SNX9: variants seen among roughly 807,000 people sequenced by gnomAD.
SNX9 encodes the protein sorting nexin-9.
Under a neutral mutation model 89.4 loss-of-function variants are expected in SNX9, and 44 were observed. The ratio of observed to expected loss-of-function variants is 0.49; its 90% CI spans 0.39 to 0.63. The LOEUF is 0.63. Ranked by LOEUF, SNX9 falls within the 30% of genes least tolerant of loss-of-function variation. SNX9 has a pLI of 0.00. For missense variants in SNX9, 578 were observed against 736.1 expected (o/e 0.79, Z 2.49); for synonymous variants, 236 against 247.8 (o/e 0.95, Z 0.45).
chr6:157,826,781 TTATATTA>T (rs1444971003), intron 1 of SNX9, among the ~76,000 whole-genome samples: 4 of 81,494 alleles, frequency 4.9e-5, no homozygotes, highest in Non-Finnish European at 1.0e-4. Context: ...TATAAATATA[TTATATTA>T]TATATATATA....
rs1322294522 is a variant in SNX9, at chr6:157,868,144, T to G, written c.99+511T>G. Reference sequence around the variant, plus strand: ...ATTAGGTTGCCAGAAAGCAATATACTTAGACCAGCTCCAGTGGAGTTAGCT... The same window carrying G: ...ATTAGGTTGCCAGAAAGCAATATACGTAGACCAGCTCCAGTGGAGTTAGCT... On this transcript the variant is annotated intron_variant, in intron 2 of 17. Coordinates refer to ENST00000392185, the MANE Select transcript of SNX9 (RefSeq NM_016224.5). Among the ~76,000 whole-genome samples the G allele has an allele frequency of 2.0e-5, 3 of 152,238 alleles. No homozygotes were observed. The East Asian group carries it at 5.8e-4, about 29-fold the overall frequency.
rs1214019340 is a variant in SNX9, at chr6:157,912,956, G to A, written c.949+2931G>A. Among the ~76,000 whole-genome samples the A allele has an allele frequency of 2.6e-5, 4 of 152,258 alleles. No homozygotes were observed. In the East Asian group the frequency reaches 7.7e-4, roughly 29 times the overall value. On this transcript the variant is annotated intron_variant, in intron 9 of 17. Coordinates refer to ENST00000392185, the MANE Select transcript of SNX9 (RefSeq NM_016224.5). Reference sequence around the variant, plus strand: ...TAACATCTGAAGTCATAAGCTTAGAGATAAACCAGCTATGTCAGAAAAATT... The same window carrying A: ...TAACATCTGAAGTCATAAGCTTAGAAATAAACCAGCTATGTCAGAAAAATT...
Position 157,936,041 on chromosome 6 carries a change from G to T in SNX9, c.1443+1G>T. The T allele has an allele frequency of 6.2e-7, 1 of 1,607,796 alleles. No homozygotes were observed. The highest frequency in any genetic ancestry group is 8.5e-7 in the Non-Finnish European group (1 of 1,176,528). ...AATTGCCAGTCTCGTGGCAGAACAG[G>T]TACTAACATAATCACACAATTCCAA... On this transcript the variant is annotated splice_donor_variant, in intron 14 of 17. Coordinates refer to ENST00000392185, the MANE Select transcript of SNX9 (RefSeq NM_016224.5). LOFTEE classifies it high-confidence loss of function.
chr6:157,839,016 T>A (rs1011981000), intron 1 of SNX9, among the ~76,000 whole-genome samples: 2 of 152,232 alleles, frequency 1.3e-5, no homozygotes, highest in African/African-American at 4.8e-5. Flanking sequence ...TGGTTTGCAA[T>A]ACCCAGAGCT....
At chr6:157,919,622 A>AT (rs1783542930) in intron 9 of SNX9, among the ~76,000 whole-genome samples, 1 of 151,056 alleles carries the variant, frequency 6.6e-6, no homozygotes, top group African/African-American at 2.4e-5. Context: ...TTTTTCTTTA[A>AT]TTTTTTAGGC....
chr6:157,837,874 G>A (rs1781616255), intron 1 of SNX9, among the ~76,000 whole-genome samples: 1 of 152,180 alleles, frequency 6.6e-6, no homozygotes, highest in Admixed American at 6.5e-5. Flanking sequence ...TTTCTTGTGG[G>A]TTCCGTGAAC....
At chr6:157,907,422 C>T (rs1201642959) in intron 7 of SNX9, among the ~76,000 whole-genome samples, 1 of 152,186 alleles carries the variant, frequency 6.6e-6, no homozygotes, top group African/African-American at 2.4e-5. Context: ...GCTGGGATTA[C>T]AGGCATGCAC....
At position 157,942,904 on chromosome 6, in the gene SNX9, CTT is replaced by C. The variant is rs554576645; in HGVS notation, c.*72_*73del. 64 of 1,482,802 alleles carry C rather than the reference CTT, an allele frequency of 4.3e-5. No individual in the cohort carries two copies. The highest frequency in any genetic ancestry group is 1.8e-4 in the Middle Eastern group (1 of 5,658). 91.9% of individuals were successfully genotyped at this position (1,482,802 alleles called of 1,614,324 possible). On this transcript the variant is annotated 3_prime_UTR_variant, in exon 18 of 18. Transcript: ENST00000392185. The stretch of plus-strand genomic sequence containing the variant: ...TGACTTGGGGCAATGCAATTCAAAA[CTT>C]TTTTTCCCCTATTATTCAGAAAAAA...
intron 1 of SNX9, among the ~76,000 whole-genome samples, chr6:157,858,502 G>A (rs1340949668): frequency 6.6e-6 from 1 of 152,120 alleles, no homozygotes; most frequent in Non-Finnish European, 1.5e-5. Context: ...GATTACAAGT[G>A]TGAGCCACCA....
intron 1 of SNX9, among the ~76,000 whole-genome samples, chr6:157,861,247 T>G (rs1051174184): frequency 6.6e-6 from 1 of 152,242 alleles, no homozygotes; most frequent in African/African-American, 2.4e-5. Flanking sequence ...GAATGGATTA[T>G]TAAAGAAATT....
At chr6:157,833,456 A>G (rs942609844) in intron 1 of SNX9, among the ~76,000 whole-genome samples, 3 of 152,226 alleles carry the variant, frequency 2.0e-5, no homozygotes, top group Non-Finnish European at 4.4e-5. Flanking sequence ...TGCATTCAGG[A>G]TTACAAATAT....
At position 157,823,355 on chromosome 6, in the gene SNX9, C is replaced by A; in HGVS notation, c.-80C>A. Reference sequence around the variant, plus strand: ...GCCGGAGCCGCCGCCCTCGCCCTTGCCTTTGCCTGCGCGGCTCAGAATCAC... The same window carrying A: ...GCCGGAGCCGCCGCCCTCGCCCTTGACTTTGCCTGCGCGGCTCAGAATCAC... On this transcript the variant is annotated 5_prime_UTR_variant, in exon 1 of 18. Transcript: ENST00000392185. This position sits in a 1 kb window ranked among gnomAD's most constrained non-coding sequence, Gnocchi z 4.6. 1 of 1,240,064 alleles carries A rather than the reference C, an allele frequency of 8.1e-7. No individual in the cohort carries two copies. Among genetic ancestry groups the A allele is most frequent in the Non-Finnish European group, 1.0e-6 (1 of 978,704 alleles). The allele number at this position is 1,240,064 out of a possible 1,614,324, so 76.8% of individuals were successfully genotyped here. A position where few individuals can be genotyped will look rare whatever the true frequency, so the allele number is the denominator to read the frequency against.
In SNX9 at chr6:157,823,881, C is replaced by G. The variant is rs1267012184; in HGVS notation, c.12+435C>G. Among the ~76,000 whole-genome samples, 3 of 151,992 alleles carry G rather than the reference C, an allele frequency of 2.0e-5. No individual in the cohort carries two copies. The highest frequency in any genetic ancestry group is 4.8e-5 in the African/African-American group (2 of 41,416). On this transcript the variant is annotated intron_variant, in intron 1 of 17. Coordinates refer to ENST00000392185, the MANE Select transcript of SNX9 (RefSeq NM_016224.5). The surrounding 1 kb of genome is among the most constrained non-coding windows in gnomAD (Gnocchi z 4.6). ...CGCTGCCGCCTGGGGGACCCTCGCC[C>G]CCGCGGGGCGGGTGGGGGTCGAGAC...
intron 1 of SNX9, among the ~76,000 whole-genome samples, chr6:157,840,423 T>C (rs9458644): frequency 0.36 from 49,714 of 139,646 alleles, 10,291 homozygotes; most frequent in African/African-American, 0.54. Context: ...TTCTTTCTTT[T>C]CTTTCTTTTC....
intron 9 of SNX9, among the ~76,000 whole-genome samples, chr6:157,912,262 C>T (rs1287235693): frequency 1.3e-5 from 2 of 152,032 alleles, no homozygotes; most frequent in Non-Finnish European, 2.9e-5. Context: ...GTGTGTGCTC[C>T]ACAGTGTTTA....
chr6:157,940,857 G>T, intron 16 of SNX9, 26 bp from the exon 17 acceptor site: 2 of 1,605,238 alleles, frequency 1.2e-6, no homozygotes, highest in South Asian at 2.2e-5. Flanking sequence ...AGGGAAAACT[G>T]ATTGATGTTC....
Position 157,823,796 on chromosome 6 carries a change from C to T in SNX9, c.12+350C>T, listed in dbSNP as rs1781286530. Among the ~76,000 whole-genome samples, 3 of 151,970 alleles carry T rather than the reference C, an allele frequency of 2.0e-5. No homozygotes were observed. The highest frequency in any genetic ancestry group is 4.1e-4 in the South Asian group (2 of 4,830). On this transcript the variant is annotated intron_variant, in intron 1 of 17. Transcript: ENST00000392185. This position sits in a 1 kb window ranked among gnomAD's most constrained non-coding sequence, Gnocchi z 4.6. The stretch of plus-strand genomic sequence containing the variant: ...GGAAACTTCCCGCAGCCCGGGGAGG[C>T]CCCCGAGGCGACTGGCGCTCTGTGG...
chr6:157,864,053 A>G (rs1258751713), intron 1 of SNX9, among the ~76,000 whole-genome samples: 1 of 152,056 alleles, frequency 6.6e-6, no homozygotes, highest in African/African-American at 2.4e-5. Flanking sequence ...CAGGAGATCT[A>G]CGACTGGGTA....
Position 157,859,724 on chromosome 6 carries a change from G to C in SNX9, c.13-7823G>C, listed in dbSNP as rs539410213. On this transcript the variant is annotated intron_variant, in intron 1 of 17. Coordinates refer to ENST00000392185, the MANE Select transcript of SNX9 (RefSeq NM_016224.5). ...TTGAGCGTTTTGTCATGCATTTAAGGGCCATTGTATTCTTTAATGAACTGT... is the reference window on the plus strand; with the variant it reads ...TTGAGCGTTTTGTCATGCATTTAAGCGCCATTGTATTCTTTAATGAACTGT... 2.0e-5 allele frequency among the ~76,000 whole-genome samples: 3 copies of C among 152,200 alleles called. No homozygotes were observed. In the South Asian group the frequency reaches 6.2e-4, roughly 32 times the overall value.
Sources: gnomAD v4.1 joint callset for allele counts (sites outside exome capture counted in the v4.1 genomes callset) on GRCh38, gnomAD v4.1.1 for gene constraint, Gnocchi (gnomAD v3.1) non-coding constraint, MANE v1.5 for transcripts, NCBI Gene and HGNC (gene_info 2026-07-23, HGNC 2026-07-21) for gene names.